Variants in MGA observed in about 807,000 individuals in gnomAD.
The protein encoded by MGA is MAX gene-associated protein.
Under a neutral mutation model 261.1 loss-of-function variants are expected in MGA, and 40 were observed. The observed-to-expected ratio is 0.15, with a 90% CI of 0.12 to 0.20. The LOEUF (loss-of-function observed/expected upper bound fraction) is 0.20. Among genes scored for constraint, MGA ranks in the 10% least tolerant of loss-of-function variants. The pLI is 1.00. For missense variants in MGA, 3,397 were observed against 3,630.5 expected (o/e 0.94, Z 1.65); for synonymous variants, 1,302 against 1,290.6 (o/e 1.01, Z -0.19).
At chr15:41,758,826 A>G (rs1465973082) in intron 19 of MGA, among the ~76,000 whole-genome samples, 1 of 152,210 alleles carries the variant, frequency 6.6e-6, no homozygotes, top group East Asian at 1.9e-4. Flanking sequence ...AGTGTCAGAA[A>G]AAGAGACAAT....
upstream of MGA, among the ~76,000 whole-genome samples, chr15:41,656,516 T>C (rs746611994): frequency 6.6e-6 from 1 of 151,532 alleles, no homozygotes; most frequent in African/African-American, 2.4e-5. Flanking sequence ...TATTTATTTT[T>C]ATTTTTATTT....
upstream of MGA, among the ~76,000 whole-genome samples, chr15:41,659,777 T>C (rs1030768973): frequency 6.6e-6 from 1 of 152,234 alleles, no homozygotes; most frequent in African/African-American, 2.4e-5. Context: ...ATCTTTCATC[T>C]TTATATCCGG....
Position 41,750,520 on chromosome 15 carries a change from G to T in MGA, c.6913G>T (p.Asp2305Tyr). ...CACTGTTTTGGATTTGGAAGAAGAT[G>T]ATGAAGATGATAATGAGAAAACTGA... Residue 2305 changes from aspartate (D) to tyrosine (Y), a missense_variant, in exon 17 of 24, where the codon GAT becomes TAT. Asp to Tyr is a radical substitution (Grantham distance 160). Around this residue, in one of 9 missense-constraint regions of MGA, gnomAD observed 1,410 missense variants for 1,386.4 expected, o/e 1.02. Coordinates refer to ENST00000219905, the MANE Select transcript of MGA (RefSeq NM_001164273.2). 2 of 1,613,524 alleles carry T rather than the reference G, an allele frequency of 1.2e-6. No individual in the cohort carries two copies. Among genetic ancestry groups the T allele is most frequent in the East Asian group, 2.2e-5 (1 of 44,872 alleles).
chr15:41,721,416 C>T (rs996629748), intron 9 of MGA, among the ~76,000 whole-genome samples: 2 of 152,026 alleles, frequency 1.3e-5, no homozygotes, highest in African/African-American at 2.4e-5. Context: ...TGCAGTGAGC[C>T]GAGATTGTGC....
chr15:41,765,098 A>C (rs1036968463), intron 23 of MGA, 36 bp downstream of exon 23: 2 of 1,603,508 alleles, frequency 1.2e-6, no homozygotes, highest in African/African-American at 2.7e-5. Flanking sequence ...GGGAAGTGAT[A>C]AAGTTATCCC....
chr15:41,754,537 C>A lies in MGA; in HGVS notation c.7109C>A (p.Thr2370Lys). The A allele has an allele frequency of 6.3e-7, 1 of 1,589,180 alleles. No individual in the cohort carries two copies. Among genetic ancestry groups the A allele is most frequent in the Non-Finnish European group, 8.6e-7 (1 of 1,166,602 alleles). Residue 2370 changes from threonine to lysine, a missense_variant, in exon 18 of 24, where the codon ACA (threonine) becomes AAA (lysine). Thr to Lys is a moderately conservative substitution (Grantham distance 78, BLOSUM62 -1). Around this residue, in one of 9 missense-constraint regions of MGA, gnomAD observed 1,410 missense variants for 1,386.4 expected, o/e 1.02. Coordinates refer to ENST00000219905, the MANE Select transcript of MGA (RefSeq NM_001164273.2). ...ATTAATGTTGCTCACCTGAAGACCACAGCGGCCCACACACAGTCATTCAAA... is the reference window on the plus strand; with the variant it reads ...ATTAATGTTGCTCACCTGAAGACCAAAGCGGCCCACACACAGTCATTCAAA...
chr15:41,710,413 TTAAG>T, intron 7 of MGA, among the ~76,000 whole-genome samples: 1 of 152,318 alleles, frequency 6.6e-6, no homozygotes, highest in Non-Finnish European at 1.5e-5. Context: ...AGTTTGTTTA[TTAAG>T]TATTTATTTT....
chr15:41,765,214 C>G (rs1249885640), intron 23 of MGA, among the ~76,000 whole-genome samples, 152 bp downstream of exon 23: 1 of 152,212 alleles, frequency 6.6e-6, no homozygotes, highest in African/African-American at 2.4e-5. Flanking sequence ...TTTTAGAACA[C>G]ATTTGGCTTG....
intron 12 of MGA, among the ~76,000 whole-genome samples, chr15:41,735,773 C>G (rs541327542): frequency 1.1e-4 from 16 of 151,944 alleles, no homozygotes; most frequent in East Asian, 1.9e-4. Flanking sequence ...TCTTGCTGTT[C>G]TTTTGGATTG....
At chr15:41,698,765 A>G (rs1298683993) in intron 3 of MGA, 98 bp from the exon 4 acceptor site, 6 of 879,722 alleles carry the variant, frequency 6.8e-6, no homozygotes, top group African/African-American at 1.7e-5. Flanking sequence ...GCATGGAGAT[A>G]TTTTCCTTCT....
At chr15:41,707,415 C>T (rs963984360) in intron 5 of MGA, among the ~76,000 whole-genome samples, 3 of 152,160 alleles carry the variant, frequency 2.0e-5, no homozygotes, top group Non-Finnish European at 4.4e-5. Context: ...TGTGTTATCA[C>T]ATGCACATTA....
intron 22 of MGA, among the ~76,000 whole-genome samples, chr15:41,763,532 T>C (rs987669913): frequency 1.3e-5 from 2 of 151,534 alleles, no homozygotes; most frequent in South Asian, 2.1e-4. Flanking sequence ...TCACCTGAGG[T>C]TGGGAGTTTG....
rs758593844 is a variant in MGA, at chr15:41,748,657, G to T, written c.5233G>T (p.Val1745Leu). The change falls in exon 16 of 24, where the codon GTG becomes TTG. Residue 1745 changes from valine (V) to leucine (L), a missense_variant. Val to Leu is a conservative substitution (Grantham distance 32). Transcript: ENST00000219905. ...TTCAGAAAATGCTGCTCAAATTCCA[G>T]TGGCTACTCCACAGGTCTCTCCTAA... is the stretch of plus-strand genomic sequence containing the variant. 6 of 1,611,436 alleles carry T rather than the reference G, an allele frequency of 3.7e-6. No individual in the cohort carries two copies. In the East Asian group the frequency reaches 1.3e-4, roughly 36 times the overall value.
chr15:41,767,568 A>T lies in MGA; in HGVS notation c.*288A>T, dbSNP rs762785931. ...ATGAGGTGCCCCTCTTACCCAAGGA[A>T]TTTATAACATGACTCTGGCTCCACA... On this transcript the variant is annotated 3_prime_UTR_variant, in exon 24 of 24. Transcript: ENST00000219905. The T allele has an allele frequency of 5.3e-6, 2 of 379,792 alleles. No homozygotes were observed. The highest frequency in any genetic ancestry group is 9.5e-6 in the Non-Finnish European group (2 of 209,754). The allele number at this position is 379,792 out of a possible 1,614,324, so 23.5% of individuals were successfully genotyped here.
At position 41,750,090 on chromosome 15, in the gene MGA, G is replaced by A. The variant is rs899361873; in HGVS notation, c.6483G>A (p.Lys2161=). Residue 2161 remains lysine, a synonymous_variant, in exon 17 of 24, where the codon AAG becomes AAA. Transcript: ENST00000219905. ...ATCTACAGCCAGAGGCCAAAGAGAA[G>A]GAATGTGGAGACTCTCTGGAGAAAG... is the stretch of plus-strand genomic sequence containing the variant. 6.2e-7 allele frequency: 1 copy of A among 1,613,176 alleles called. No homozygotes were observed. The highest frequency in any genetic ancestry group is 1.3e-5 in the African/African-American group (1 of 74,920).
chr15:41,732,888 C>T (rs1171810233), intron 11 of MGA, among the ~76,000 whole-genome samples: 1 of 152,172 alleles, frequency 6.6e-6, no homozygotes, highest in Non-Finnish European at 1.5e-5. Flanking sequence ...AGACTCCTTT[C>T]CTAGGATTTT....
intron 1 of MGA, among the ~76,000 whole-genome samples, chr15:41,652,144 T>TA (rs1566934275): frequency 6.7e-6 from 1 of 148,354 alleles, no homozygotes. Context: ...TTTTTTTTTT[T>TA]ATTGTATTTT....
At chr15:41,729,037 A>G (rs1215393747) in intron 10 of MGA, 127 bp from the exon 11 acceptor site, 1 of 924,298 alleles carries the variant, frequency 1.1e-6, no homozygotes, top group Non-Finnish European at 1.6e-6. Flanking sequence ...GTGCTGTTTG[A>G]TTTGAAAGTT....
chr15:41,722,599 T>A (rs1333271557), intron 9 of MGA, among the ~76,000 whole-genome samples: 1 of 152,228 alleles, frequency 6.6e-6, no homozygotes, highest in Non-Finnish European at 1.5e-5. Flanking sequence ...GTATGGTGTT[T>A]ACATGGATGT....
Sources: allele counts gnomAD v4.1 joint callset (sites outside exome capture counted in the v4.1 genomes callset), GRCh38; gene constraint gnomAD v4.1.1; regional missense constraint gnomAD v4.1.1; transcripts MANE v1.5; gene names NCBI Gene and HGNC (gene_info 2026-07-23, HGNC 2026-07-21).